ARFGAP3: variants seen among roughly 807,000 people sequenced by gnomAD.
ARFGAP3 encodes the protein ARF GTPase activating protein 3.
ARFGAP3 carries 72 observed loss-of-function variants against 75.0 expected under a neutral mutation model. The observed-to-expected ratio is 0.96, with a 90% CI of 0.79 to 1.17. The LOEUF (loss-of-function observed/expected upper bound fraction) is 1.17. Ranked by LOEUF, ARFGAP3 falls within the 50% of genes most tolerant of loss-of-function variation. The pLI, the probability that ARFGAP3 is intolerant of heterozygous loss-of-function variation, is 0.00. For synonymous variants in ARFGAP3, 221 were observed against 217.9 expected (o/e 1.01, Z -0.13); for missense variants, 620 against 626.6 (o/e 0.99, Z 0.11).
At chr22:42,815,069 T>A (rs1175127018) in intron 11 of ARFGAP3, among the ~76,000 whole-genome samples, 1 of 152,202 alleles carries the variant, frequency 6.6e-6, no homozygotes, top group Admixed American at 6.5e-5. Flanking sequence ...CACTATCATC[T>A]GCAGAAGTTG....
intron 9 of ARFGAP3, 76 bp downstream of exon 9, chr22:42,822,194 G>T: frequency 4.3e-4 from 438 of 1,020,846 alleles, no homozygotes; most frequent in Non-Finnish European, 5.5e-4. Context: ...AAAAATACAT[G>T]GCATTTGGAA....
chr22:42,807,345 TG>T (rs1408655786), intron 13 of ARFGAP3, 182 bp from the exon 14 acceptor site: 2 of 839,004 alleles, frequency 2.4e-6, no homozygotes, highest in African/African-American at 3.7e-5. Flanking sequence ...ATGTTCTGCA[TG>T]GGAGGCAGGT....
chr22:42,837,675 C>CTTTTTTTTT lies in ARFGAP3; in HGVS notation c.262-2191_262-2183dup, dbSNP rs71186547. Reference sequence around the variant, plus strand: ...GCCTTGAAACATCTAAGGCATACTTCTTTTTTTTTTTTTTTTTTTTTTGAG... The same window carrying CTTTTTTTTT: ...GCCTTGAAACATCTAAGGCATACTTCTTTTTTTTTTTTTTTTTTTTTTTTTTTTTTTGAG... On this transcript the variant is annotated intron_variant, in intron 3 of 15. Transcript: ENST00000263245. Among the ~76,000 whole-genome samples, 128 of 75,666 alleles carry CTTTTTTTTT rather than the reference C, an allele frequency of 1.7e-3. 7 individuals are homozygous for CTTTTTTTTT. Among genetic ancestry groups the CTTTTTTTTT allele is most frequent in the Non-Finnish European group, 2.2e-3 (102 of 46,626 alleles). The allele number at this position is 75,666 out of a possible 152,430, so 49.6% of individuals were successfully genotyped here. A position where few individuals can be genotyped will look rare whatever the true frequency, so the allele number is the denominator to read the frequency against.
chr22:42,797,791 G>T, intron 15 of ARFGAP3, 186 bp from the exon 16 acceptor site: 1 of 969,210 alleles, frequency 1.0e-6, no homozygotes, highest in South Asian at 4.8e-5. Context: ...GCTGAGGGTA[G>T]GTGTGGGCTT....
intron 1 of ARFGAP3, among the ~76,000 whole-genome samples, chr22:42,856,889 TC>T (rs1927527832): frequency 6.7e-6 from 1 of 148,288 alleles, no homozygotes; most frequent in Non-Finnish European, 1.5e-5. Flanking sequence ...CCGGGAACGC[TC>T]CCCGGCTCGC....
intron 1 of ARFGAP3, chr22:42,853,834 C>G (rs1225352398): frequency 5.5e-6 from 1 of 182,104 alleles, no homozygotes; most frequent in East Asian, 1.6e-4. Context: ...CCTCACAGCA[C>G]AACTCTCTTG....
rs745699795 is a variant in ARFGAP3 at position 42,847,515 on chromosome 22, G to A, written c.187C>T (p.Arg63Ter). The change falls in exon 2 of 16, where the codon CGA becomes TGA. Residue 63 changes from arginine (R) to a stop codon, truncating the protein, a stop_gained and splice_region_variant. Coordinates refer to ENST00000263245, the MANE Select transcript of ARFGAP3 (RefSeq NM_014570.5). LOFTEE classifies it high-confidence loss of function. ...RSLGVHLSFI[R>*]STELDSNWSW... ...CCCAATGAGAGAAGATTCACTTACC[G>A]AATAAAACTCAAGTGAACACCAAGT... 9 of 1,610,048 alleles carry A rather than the reference G, an allele frequency of 5.6e-6. No individual in the cohort carries two copies. In the East Asian group the frequency reaches 6.7e-5, roughly 12 times the overall value.
intron 1 of ARFGAP3, among the ~76,000 whole-genome samples, chr22:42,848,689 A>G (rs902585474): frequency 3.3e-5 from 5 of 152,196 alleles, no homozygotes; most frequent in Admixed American, 6.5e-5. Flanking sequence ...CCTTCCTGGC[A>G]GTGGCTATAC....
chr22:42,799,124 G>A lies in ARFGAP3; in HGVS notation c.1448C>T (p.Pro483Leu), dbSNP rs920282829. 6.2e-6 allele frequency: 10 copies of A among 1,614,042 alleles called. No homozygotes were observed. The highest frequency in any genetic ancestry group is 8.5e-6 in the Non-Finnish European group (10 of 1,180,042). Residue 483 changes from proline (P) to leucine (L), a missense_variant, in exon 15 of 16, where the codon CCC becomes CTC. By Grantham distance (98) the Pro-to-Leu change is moderately conservative (BLOSUM62 -3). Transcript: ENST00000263245. ...TCCCTGCTTGAACTGCGCCATGTCG[G>A]GGGCGTTGGGCAGCACACTGGACAG... ...YSLSSVLPNA[P>L]DMAQFKQGVR... is the part of the protein sequence containing the mutation.
intron 5 of ARFGAP3, chr22:42,831,880 T>C (rs1298597937): frequency 3.2e-6 from 1 of 315,618 alleles, no homozygotes; most frequent in Non-Finnish European, 4.6e-6. Context: ...CCTCCCAGGC[T>C]CAAGCAGTGC....
chr22:42,812,574 A>G (rs1476104626), intron 11 of ARFGAP3, among the ~76,000 whole-genome samples: 1 of 152,226 alleles, frequency 6.6e-6, no homozygotes, highest in East Asian at 1.9e-4. Context: ...GCAAGAACCC[A>G]TAAGAGCAAA....
At chr22:42,852,450 C>T (rs983350580) in intron 1 of ARFGAP3, among the ~76,000 whole-genome samples, 2 of 152,044 alleles carry the variant, frequency 1.3e-5, no homozygotes, top group Non-Finnish European at 2.9e-5. Flanking sequence ...ACCTCCGCCT[C>T]CTGGGTTCAA....
At chr22:42,810,128 C>T (rs1286789530) in intron 12 of ARFGAP3, among the ~76,000 whole-genome samples, 7 of 152,036 alleles carry the variant, frequency 4.6e-5, no homozygotes, top group Non-Finnish European at 8.8e-5. Context: ...CTTTCAAGGT[C>T]CACAGAGGAT....
At chr22:42,839,035 G>A (rs1265995686) in intron 3 of ARFGAP3, among the ~76,000 whole-genome samples, 2 of 150,698 alleles carry the variant, frequency 1.3e-5, no homozygotes, top group East Asian at 2.0e-4. Flanking sequence ...GCATGAACCT[G>A]GGAGGCAGAG....
intron 13 of ARFGAP3, 42 bp from the exon 14 acceptor site, chr22:42,807,205 T>G (rs779278629): frequency 1.3e-6 from 2 of 1,565,062 alleles, no homozygotes; most frequent in Non-Finnish European, 1.7e-6. Context: ...CTCCAAAGAT[T>G]GTGGGCAGTT....
At chr22:42,853,292 G>A (rs772999139) in intron 1 of ARFGAP3, 25 of 160,216 alleles carry the variant, frequency 1.6e-4, no homozygotes, top group Non-Finnish European at 2.4e-4. Flanking sequence ...ATTAGCTTAC[G>A]GGAGTGTCTG....
intron 1 of ARFGAP3, among the ~76,000 whole-genome samples, chr22:42,854,742 G>A (rs1056596075): frequency 2.6e-5 from 4 of 152,106 alleles, no homozygotes; most frequent in Admixed American, 2.0e-4. Context: ...AAAGTAAGCC[G>A]ACTTGTTTTT....
chr22:42,817,435 A>G, intron 10 of ARFGAP3, 171 bp from the exon 11 acceptor site: 1 of 527,236 alleles, frequency 1.9e-6, no homozygotes, highest in Non-Finnish European at 2.4e-6. Context: ...AAATGTTAAA[A>G]TTTTGTGAGG....
chr22:42,842,290 C>T (rs1569167496), intron 2 of ARFGAP3, among the ~76,000 whole-genome samples: 1 of 147,138 alleles, frequency 6.8e-6, no homozygotes, highest in African/African-American at 2.5e-5. Flanking sequence ...CAGGCATGAG[C>T]CACCGTGCCT....
Sources: gnomAD v4.1 joint callset for allele counts (sites outside exome capture counted in the v4.1 genomes callset) on GRCh38, gnomAD v4.1.1 for gene constraint, MANE v1.5 for transcripts, NCBI Gene and HGNC (gene_info 2026-07-23, HGNC 2026-07-21) for gene names.